Variants in ADD2 observed in about 807,000 individuals in gnomAD.
The protein encoded by ADD2 is beta-adducin.
Under a neutral mutation model 83.0 loss-of-function variants are expected in ADD2, and 23 were observed. The ratio of observed to expected loss-of-function variants is 0.28; its 90% CI spans 0.20 to 0.39. ADD2 has a LOEUF of 0.39. Ranked by LOEUF, ADD2 falls within the 10% of genes least tolerant of loss-of-function variation. The pLI, the probability that ADD2 is intolerant of heterozygous loss-of-function variation, is 1.00. For synonymous variants in ADD2, 375 were observed against 375.4 expected (o/e 1.00, Z 0.01); for missense variants, 758 against 944.9 (o/e 0.80, Z 2.59).
intron 1 of ADD2, among the ~76,000 whole-genome samples, chr2:70,761,407 G>A (rs1481655178): frequency 1.3e-5 from 2 of 151,734 alleles, no homozygotes; most frequent in Non-Finnish European, 1.5e-5. Flanking sequence ...TCAGGAGTTT[G>A]AGACCTGCCT....
chr2:70,668,364 T>G (rs1553366517), intron 15 of ADD2, among the ~76,000 whole-genome samples: 1 of 152,180 alleles, frequency 6.6e-6, no homozygotes, highest in Non-Finnish European at 1.5e-5. Flanking sequence ...AGCATGTACC[T>G]ATCCAAGGTC....
At chr2:70,715,798 A>G (rs11903084) in intron 1 of ADD2, among the ~76,000 whole-genome samples, 3,049 of 145,090 alleles carry the variant, frequency 0.021, 94 homozygotes, top group African/African-American at 0.067. Flanking sequence ...GCATCCCACC[A>G]TGGGATCCCA....
intron 1 of ADD2, among the ~76,000 whole-genome samples, chr2:70,741,653 C>G (rs186107799): frequency 6.6e-6 from 1 of 152,320 alleles, no homozygotes; most frequent in East Asian, 1.9e-4. Flanking sequence ...TTAAAGCCTT[C>G]CTCCTGCTGC....
intron 13 of ADD2, chr2:70,675,501 G>A (rs1670087513): frequency 3.0e-6 from 3 of 985,444 alleles, no homozygotes; most frequent in South Asian, 9.4e-5. Context: ...TGACCAGCCG[G>A]CCCTTACATA....
intron 4 of ADD2, among the ~76,000 whole-genome samples, chr2:70,696,751 TA>T (rs1242164190): frequency 6.6e-6 from 1 of 152,144 alleles, no homozygotes; most frequent in East Asian, 1.9e-4. Context: ...GAAACATGGG[TA>T]TATTTCATCA....
At chr2:70,756,409 C>A (rs1674793397) in intron 1 of ADD2, among the ~76,000 whole-genome samples, 1 of 152,166 alleles carries the variant, frequency 6.6e-6, no homozygotes, top group Admixed American at 6.5e-5. Flanking sequence ...GATAACAATT[C>A]ATGTGAATTT....
rs1316134694 is a variant in ADD2 at position 70,663,534 on chromosome 2, G to A, written c.2072C>T (p.Pro691Leu). 2 of 1,613,988 alleles carry A rather than the reference G, an allele frequency of 1.2e-6. No individual in the cohort carries two copies. The highest frequency in any genetic ancestry group is 2.2e-5 in the East Asian group (1 of 44,892). ...KDKTESVTSG[P>L]MSPEGSPSKS... ...GGAAGGTGAGCCCTCTGGGGACATG[G>A]GGCCGCTGGTGACCGACTCGGTTTT... The change falls in exon 16 of 16, where the codon CCC (proline) becomes CTC (leucine). Residue 691 changes from proline (P) to leucine (L), a missense_variant. Physicochemically the swap from Pro to Leu is moderately conservative, Grantham distance 98. Coordinates refer to ENST00000264436, the MANE Select transcript of ADD2 (RefSeq NM_001617.4).
chr2:70,718,040 T>G (rs1553376720), intron 1 of ADD2, among the ~76,000 whole-genome samples: 1 of 152,238 alleles, frequency 6.6e-6, no homozygotes, highest in Non-Finnish European at 1.5e-5. Context: ...ACTCCTTCAC[T>G]GCTGCAGACC....
chr2:70,692,618 C>T, intron 6 of ADD2, 66 bp from the exon 7 acceptor site: 10 of 1,490,742 alleles, frequency 6.7e-6, no homozygotes, highest in Non-Finnish European at 8.9e-6. Flanking sequence ...CCTCTCCCAG[C>T]TGGTGGGCCC....
chr2:70,742,879 G>A (rs1343467640), intron 1 of ADD2, among the ~76,000 whole-genome samples: 1 of 152,132 alleles, frequency 6.6e-6, no homozygotes, highest in Admixed American at 6.5e-5. Context: ...GTTTTTTTAA[G>A]TTATGTGATA....
chr2:70,701,771 T>A (rs1372904658), intron 4 of ADD2, among the ~76,000 whole-genome samples: 2 of 152,048 alleles, frequency 1.3e-5, no homozygotes, highest in African/African-American at 4.8e-5. Flanking sequence ...TGGATAAAGA[T>A]TCACTTAAAA....
rs370659780 is a variant in ADD2 at position 70,682,390 on chromosome 2, G to A, written c.1125+1201C>T. Among the ~76,000 whole-genome samples the A allele has an allele frequency of 3.3e-4, 51 of 152,304 alleles. No individual in the cohort carries two copies. In the South Asian group the frequency reaches 0.01, roughly 30 times the overall value. On this transcript the variant is annotated intron_variant, in intron 10 of 15. Coordinates refer to ENST00000264436, the MANE Select transcript of ADD2 (RefSeq NM_001617.4). Reference sequence around the variant, plus strand: ...ACTCAGCATACAAATGTTAATGGGAGTTGCATTTTCACTGTGGATTGTACC... The same window carrying A: ...ACTCAGCATACAAATGTTAATGGGAATTGCATTTTCACTGTGGATTGTACC...
rs372134422 is a variant in ADD2 at position 70,704,473 on chromosome 2, C to T, written c.184-14G>A. 65 of 1,613,530 alleles carry T rather than the reference C, an allele frequency of 4.0e-5. No homozygotes were observed. The highest frequency in any genetic ancestry group is 6.6e-5 in the South Asian group (6 of 91,004). On this transcript the variant is annotated splice_polypyrimidine_tract_variant and intron_variant, in intron 3 of 15. Coordinates refer to ENST00000264436, the MANE Select transcript of ADD2 (RefSeq NM_001617.4). ...CTCCCTGAAAGACTGAAGCAGGCCC[C>T]GAGGTGCTTGTCCCCCCACAGCCTC...
intron 5 of ADD2, 94 bp downstream of exon 5, chr2:70,696,151 A>C: frequency 1.4e-6 from 2 of 1,476,640 alleles, no homozygotes; most frequent in East Asian, 4.9e-5. Flanking sequence ...GGTCACCAGC[A>C]GTGCCATGGC....
chr2:70,659,145 T>TAAAAAAAAAA lies in ADD2; in HGVS notation c.*4270_*4279dup, dbSNP rs56006250. On this transcript the variant is annotated 3_prime_UTR_variant, in exon 16 of 16. Coordinates refer to ENST00000264436, the MANE Select transcript of ADD2 (RefSeq NM_001617.4). ...GGGCAACAAAGAGCAAAGCTCCGTC[T>TAAAAAAAAAA]AAAAAAAAAAAAAAAAAAAAAAAAA... The TAAAAAAAAAA allele has an allele frequency of 8.0e-5, 6 of 74,692 alleles. No individual in the cohort carries two copies. Among genetic ancestry groups the TAAAAAAAAAA allele is most frequent in the South Asian group, 6.7e-4 (1 of 1,486 alleles). The allele number at this position is 74,692 out of a possible 1,614,324, so 4.6% of individuals were successfully genotyped here.
chr2:70,719,593 G>A (rs1672632257), intron 1 of ADD2, among the ~76,000 whole-genome samples: 1 of 152,194 alleles, frequency 6.6e-6, no homozygotes, highest in Admixed American at 6.5e-5. Flanking sequence ...CTAGCAGGAT[G>A]GCTGGGCTCA....
At chr2:70,696,778 G>A (rs1039060471) in intron 4 of ADD2, among the ~76,000 whole-genome samples, 2 of 152,152 alleles carry the variant, frequency 1.3e-5, no homozygotes, top group Non-Finnish European at 2.9e-5. Flanking sequence ...TATTAATGAA[G>A]AAGTTACTCG....
At chr2:70,698,220 G>A (rs1671406593) in intron 4 of ADD2, among the ~76,000 whole-genome samples, 1 of 152,196 alleles carries the variant, frequency 6.6e-6, no homozygotes, top group Admixed American at 6.5e-5. Context: ...AAATAACCAT[G>A]GGGCCCCAGT....
chr2:70,729,179 C>T (rs782396013), intron 1 of ADD2, among the ~76,000 whole-genome samples: 3 of 152,212 alleles, frequency 2.0e-5, no homozygotes, highest in Non-Finnish European at 4.4e-5. Flanking sequence ...CACTCCTTCC[C>T]TCATGCACTG....
Sources: allele counts gnomAD v4.1 joint callset (sites outside exome capture counted in the v4.1 genomes callset), GRCh38; gene constraint gnomAD v4.1.1; transcripts MANE v1.5; gene names NCBI Gene and HGNC (gene_info 2026-07-23, HGNC 2026-07-21).